The following SSH2 variants were observed in gnomAD, a reference collection of about 807,000 sequenced individuals.
SSH2 encodes the protein slingshot protein phosphatase 2.
SSH2 carries 37 observed loss-of-function variants against 135.2 expected under a neutral mutation model. The observed-to-expected ratio is 0.27, with a 90% CI of 0.21 to 0.36. SSH2 has a LOEUF of 0.36. Among genes scored for constraint, SSH2 ranks in the 10% least tolerant of loss-of-function variants. The pLI, the probability that SSH2 is intolerant of heterozygous loss-of-function variation, is 1.00. For synonymous variants in SSH2, 628 were observed against 646.2 expected (o/e 0.97, Z 0.43); for missense variants, 1,408 against 1,765.3 (o/e 0.80, Z 3.63).
At chr17:29,668,305 A>G (rs990427880) in intron 9 of SSH2, among the ~76,000 whole-genome samples, 1 of 152,214 alleles carries the variant, frequency 6.6e-6, no homozygotes, top group Non-Finnish European at 1.5e-5. Flanking sequence ...TACAGCTAAT[A>G]CCTGAGCTGT....
Position 29,666,965 on chromosome 17 carries a change from A to G in SSH2, c.934T>C (p.Cys312Arg). ...IRTELEMQMV[C>R]NLREFKEFID... ...AATTCCTTGAATTCCCGCAAGTTGC[A>G]CACCATTTGCATTTCCAACTCTGTT... Residue 312 changes from cysteine (C) to arginine (R), a missense_variant, in exon 11 of 16, where the codon TGC becomes CGC. This residue lies in a region of SSH2 where 106 missense variants were observed against 265.2 expected (regional missense o/e 0.40). Transcript: ENST00000540801. The G allele has an allele frequency of 1.9e-6, 3 of 1,614,044 alleles. No individual in the cohort carries two copies. Among genetic ancestry groups the G allele is most frequent in the Non-Finnish European group, 2.5e-6 (3 of 1,179,956 alleles).
intron 7 of SSH2, 128 bp from the exon 8 acceptor site, chr17:29,677,013 G>T: frequency 2.7e-6 from 2 of 734,188 alleles, no homozygotes; most frequent in Non-Finnish European, 4.6e-6. Context: ...GGCATTTCAC[G>T]TAGAAGTTTT....
chr17:29,649,840 T>C (rs2036522555), intron 13 of SSH2, among the ~76,000 whole-genome samples: 1 of 152,212 alleles, frequency 6.6e-6, no homozygotes, highest in African/African-American at 2.4e-5. Context: ...AATAAAGGAA[T>C]AGGCTCAAAG....
intron 14 of SSH2, chr17:29,641,724 A>T (rs532445999): frequency 6.6e-6 from 1 of 152,336 alleles, no homozygotes; most frequent in African/African-American, 2.4e-5. Context: ...AATTTAAATG[A>T]CAGATGCATA....
In SSH2 at chr17:29,627,850, TG is replaced by T. The variant is rs1334679372; in HGVS notation, c.*2990del. 1.3e-5 allele frequency: 2 copies of T among 152,292 alleles called. No individual in the cohort carries two copies. Among genetic ancestry groups the T allele is most frequent in the African/African-American group, 4.8e-5 (2 of 41,446 alleles). The allele number at this position is 152,292 out of a possible 1,614,324, so 9.4% of individuals were successfully genotyped here. ...TTACCCCATACACCAAAACATCAAC[TG>T]TTTTTATATATGTACATATGTGTAC... On this transcript the variant is annotated 3_prime_UTR_variant, in exon 16 of 16. Coordinates refer to ENST00000540801, the MANE Select transcript of SSH2 (RefSeq NM_001282129.2).
chr17:29,927,412 A>G (rs569131918), intron 1 of SSH2, among the ~76,000 whole-genome samples: 1 of 152,306 alleles, frequency 6.6e-6, no homozygotes, highest in Non-Finnish European at 1.5e-5. Context: ...ATATTGTTTA[A>G]TGCCTAATGA....
intron 4 of SSH2, among the ~76,000 whole-genome samples, chr17:29,701,266 C>T (rs947046360): frequency 4.6e-5 from 7 of 151,984 alleles, no homozygotes; most frequent in East Asian, 1.9e-4. Context: ...CCACTGTGCC[C>T]GGCCTAATTT....
At chr17:29,918,246 G>T (rs999914575) in intron 1 of SSH2, among the ~76,000 whole-genome samples, 2 of 152,086 alleles carry the variant, frequency 1.3e-5, no homozygotes, top group Non-Finnish European at 2.9e-5. Context: ...AACACCTAAG[G>T]GCAGGGGGGT....
At chr17:29,814,761 G>C (rs1377047520) in intron 2 of SSH2, among the ~76,000 whole-genome samples, 2 of 151,882 alleles carry the variant, frequency 1.3e-5, no homozygotes, top group African/African-American at 4.8e-5. Context: ...ATAAAAACAT[G>C]AGCAGAAAAT....
intron 2 of SSH2, among the ~76,000 whole-genome samples, chr17:29,837,562 C>T (rs1330123086): frequency 7.2e-5 from 11 of 152,052 alleles, no homozygotes; most frequent in Non-Finnish European, 1.5e-4. Context: ...CCCATGTCCC[C>T]GAGGCAGCCA....
Position 29,930,118 on chromosome 17 carries a change from G to C in SSH2, c.-118C>G. 1 of 953,608 alleles carries C rather than the reference G, an allele frequency of 1.0e-6. No individual in the cohort carries two copies. Among genetic ancestry groups the C allele is most frequent in the Non-Finnish European group, 1.6e-6 (1 of 641,852 alleles). 59.1% of individuals were successfully genotyped at this position (953,608 alleles called of 1,614,324 possible). ...GGGTGGGGGTGAAGGGAACGGGGAG[G>C]AGGAGGAGGCCGCGGGAACGGCCGC... is the stretch of plus-strand genomic sequence containing the variant. On this transcript the variant is annotated 5_prime_UTR_variant, in exon 1 of 16. Transcript: ENST00000540801.
intron 11 of SSH2, among the ~76,000 whole-genome samples, chr17:29,659,808 G>A (rs1192978841): frequency 6.6e-6 from 1 of 151,844 alleles, no homozygotes; most frequent in African/African-American, 2.4e-5. Context: ...GATTACAGGC[G>A]TGAGCCACTG....
chr17:29,913,259 A>C (rs970119855), intron 1 of SSH2, among the ~76,000 whole-genome samples: 6 of 135,304 alleles, frequency 4.4e-5, no homozygotes, highest in Non-Finnish European at 7.8e-5. Flanking sequence ...TGGAGGTTGC[A>C]GTGAGCCAAG....
chr17:29,840,564 G>A (rs1174545037), intron 2 of SSH2, among the ~76,000 whole-genome samples: 3 of 152,284 alleles, frequency 2.0e-5, no homozygotes, highest in Non-Finnish European at 4.4e-5. Context: ...TCACAAGTTA[G>A]CCAAGCCACA....
intron 5 of SSH2, among the ~76,000 whole-genome samples, chr17:29,694,795 G>A (rs867487464): frequency 1.3e-5 from 2 of 152,152 alleles, no homozygotes; most frequent in South Asian, 4.1e-4. Flanking sequence ...TACACTGCCA[G>A]TTTGAGACCT....
At chr17:29,686,553 A>G (rs2038232059) in intron 5 of SSH2, among the ~76,000 whole-genome samples, 1 of 148,330 alleles carries the variant, frequency 6.7e-6, no homozygotes, top group Admixed American at 6.8e-5. Context: ...GTATTTTAGT[A>G]CAGATGGGGT....
chr17:29,713,216 T>C (rs1477561036), intron 3 of SSH2, among the ~76,000 whole-genome samples: 2 of 152,140 alleles, frequency 1.3e-5, no homozygotes, highest in Non-Finnish European at 2.9e-5. Context: ...GCGCCTGTAA[T>C]TCCAGCTACT....
chr17:29,851,969 G>A (rs1052600805), intron 1 of SSH2, among the ~76,000 whole-genome samples: 1 of 152,046 alleles, frequency 6.6e-6, no homozygotes, highest in African/African-American at 2.4e-5. Context: ...TATTTCAGAT[G>A]TCCACACTAG....
intron 3 of SSH2, among the ~76,000 whole-genome samples, chr17:29,739,129 C>T (rs2040474601): frequency 6.6e-6 from 1 of 152,036 alleles, no homozygotes; most frequent in Non-Finnish European, 1.5e-5. Context: ...GCAGGTTCTC[C>T]AACTTTGGTA....
Sources: allele counts gnomAD v4.1 joint callset (sites outside exome capture counted in the v4.1 genomes callset), GRCh38; gene constraint gnomAD v4.1.1; regional missense constraint gnomAD v4.1.1; transcripts MANE v1.5; gene names NCBI Gene and HGNC (gene_info 2026-07-23, HGNC 2026-07-21).